ERC1: variants seen among roughly 807,000 people sequenced by gnomAD.
The protein encoded by ERC1 is ELKS/RAB6-interacting/CAST family member 1.
Under a neutral mutation model 132.0 loss-of-function variants are expected in ERC1, and 56 were observed. That is an observed-to-expected ratio of 0.42 (90% CI 0.34 to 0.53). The LOEUF is 0.53. Ranked by LOEUF, ERC1 falls within the 20% of genes least tolerant of loss-of-function variation. ERC1 has a pLI of 0.03. For missense variants in ERC1, 1,202 were observed against 1,349.9 expected, an observed-to-expected ratio of 0.89 and a Z score of 1.72; for synonymous variants, 478 against 476.1, an observed-to-expected ratio of 1.00 and a Z score of -0.05.
chr12:1,366,772 ATGT>A (rs2086700045), intron 15 of ERC1, among the ~76,000 whole-genome samples: 1 of 152,178 alleles, frequency 6.6e-6, no homozygotes, highest in African/African-American at 2.4e-5. Context: ...TAAAAACTAA[ATGT>A]TGTCAGCCTG....
chr12:1,226,200 G>A (rs1313737880), intron 12 of ERC1, among the ~76,000 whole-genome samples: 1 of 152,192 alleles, frequency 6.6e-6, no homozygotes, highest in Admixed American at 6.5e-5. Flanking sequence ...ACTTCTTAGT[G>A]TGCATTTTCA....
chr12:997,672 C>T (rs537882063), intron 1 of ERC1, among the ~76,000 whole-genome samples: 1 of 152,252 alleles, frequency 6.6e-6, no homozygotes, highest in African/African-American at 2.4e-5. Context: ...AGGTTGAAGA[C>T]TGTGCTGCTG....
chr12:1,315,847 A>G (rs1479384594), intron 15 of ERC1, among the ~76,000 whole-genome samples: 1 of 152,154 alleles, frequency 6.6e-6, no homozygotes, highest in Non-Finnish European at 1.5e-5. Flanking sequence ...AAAACTGATA[A>G]CAATAATATC....
chr12:1,328,734 C>G (rs1265863500), intron 15 of ERC1, among the ~76,000 whole-genome samples: 1 of 151,834 alleles, frequency 6.6e-6, no homozygotes. Flanking sequence ...TCATTTCTTT[C>G]TCTGCGTTTG....
intron 17 of ERC1, among the ~76,000 whole-genome samples, chr12:1,427,842 G>T (rs2092685229): frequency 6.6e-6 from 1 of 152,218 alleles, no homozygotes; most frequent in African/African-American, 2.4e-5. Context: ...ATAAATGGCA[G>T]TGAGGGTGAC....
rs933855151 is a variant in ERC1 at position 1,492,958 on chromosome 12, G to T, written c.*2728G>T. The T allele has an allele frequency of 1.1e-4, 24 of 227,128 alleles. No individual in the cohort carries two copies. The allele number at this position is 227,128 out of a possible 1,614,324, so 14.1% of individuals were successfully genotyped here. A position where few individuals can be genotyped will look rare whatever the true frequency, so the allele number is the denominator to read the frequency against. ...ATATAGCCTTGAAAACTCAGTGCAG[G>T]TTGCCCTTAATTTTCCCCAAACCCC... On this transcript the variant is annotated 3_prime_UTR_variant, in exon 19 of 19. Coordinates refer to ENST00000360905, the MANE Select transcript of ERC1 (RefSeq NM_178040.4).
rs118102514 is a variant in ERC1, at chr12:1,458,916, G to A, written c.3213+14166G>A. 6.0e-4 allele frequency among the ~76,000 whole-genome samples: 92 copies of A among 152,342 alleles called. 1 individual carries two copies. The East Asian group carries it at 0.017, about 27-fold the overall frequency. On this transcript the variant is annotated intron_variant, in intron 18 of 18. Transcript: ENST00000360905. ...GTCTAGATGCCTTTTCCCACCAGAA[G>A]GAACCAGAGCTCTTTGGGGAAATGA...
chr12:1,424,599 G>A (rs1018741017), intron 17 of ERC1, among the ~76,000 whole-genome samples: 1 of 152,120 alleles, frequency 6.6e-6, no homozygotes, highest in Admixed American at 6.6e-5. Context: ...TCTTAACCAG[G>A]AAGACAGGAG....
intron 18 of ERC1, among the ~76,000 whole-genome samples, chr12:1,445,450 C>T (rs2093279514): frequency 6.6e-6 from 1 of 151,944 alleles, no homozygotes; most frequent in Non-Finnish European, 1.5e-5. Context: ...AGGCTGGTCT[C>T]GAACTCCTGA....
chr12:1,431,707 C>G (rs1341294631), intron 17 of ERC1, among the ~76,000 whole-genome samples: 3 of 152,046 alleles, frequency 2.0e-5, no homozygotes, highest in Non-Finnish European at 4.4e-5. Flanking sequence ...ATTCTTGATA[C>G]AAGTACTTTT....
At chr12:1,313,655 G>A (rs534128016) in intron 15 of ERC1, among the ~76,000 whole-genome samples, 2 of 152,094 alleles carry the variant, frequency 1.3e-5, no homozygotes, top group South Asian at 2.1e-4. Flanking sequence ...ATCCTATGAC[G>A]TTTCAGTATT....
intron 12 of ERC1, among the ~76,000 whole-genome samples, chr12:1,226,359 A>G (rs954970742): frequency 3.3e-5 from 5 of 152,232 alleles, no homozygotes; most frequent in African/African-American, 4.8e-5. Flanking sequence ...ATACATTGTG[A>G]AGGATTAGCA....
intron 2 of ERC1, among the ~76,000 whole-genome samples, chr12:1,053,195 C>T (rs922506542): frequency 6.6e-6 from 1 of 152,048 alleles, no homozygotes; most frequent in Admixed American, 6.5e-5. Context: ...ACTTGTTTCC[C>T]CTATGCTTGA....
chr12:1,487,372 ATTTTTTTTTTT>A (rs574707385), intron 18 of ERC1, among the ~76,000 whole-genome samples: 16 of 57,922 alleles, frequency 2.8e-4, no homozygotes, highest in South Asian at 8.8e-4. Context: ...AAGCATCTAG[ATTTTTTTTTTT>A]TTTTTTTTTT....
At chr12:1,256,827 C>G (rs939295723) in intron 13 of ERC1, among the ~76,000 whole-genome samples, 1 of 150,728 alleles carries the variant, frequency 6.6e-6, no homozygotes, top group Non-Finnish European at 1.5e-5. Context: ...CTCATACCAA[C>G]AGCTGTGTTT....
intron 13 of ERC1, among the ~76,000 whole-genome samples, chr12:1,259,605 C>T (rs1375443935): frequency 6.8e-6 from 1 of 146,946 alleles, no homozygotes; most frequent in Non-Finnish European, 1.5e-5. Flanking sequence ...CTCACTGCAA[C>T]CTCCACCTCC....
Position 1,028,017 on chromosome 12 carries a change from G to T in ERC1, c.114G>T (p.Thr38=), listed in dbSNP as rs374326925. The T allele has an allele frequency of 6.2e-7, 1 of 1,614,168 alleles. No individual in the cohort carries two copies. Among genetic ancestry groups the T allele is most frequent in the East Asian group, 2.2e-5 (1 of 44,888 alleles). The part of the protein sequence containing the change: ...PRLGHRRTNS[T]GGSSGSSVGG... The stretch of plus-strand genomic sequence containing the variant: ...TGGGTCACCGTCGAACCAACAGTAC[G>T]GGAGGGAGTTCGGGAAGCAGTGTTG... Residue 38 remains threonine, a synonymous_variant, in exon 2 of 19, where the codon ACG becomes ACT. Coordinates refer to ENST00000360905, the MANE Select transcript of ERC1 (RefSeq NM_178040.4).
chr12:1,290,109 C>T, intron 15 of ERC1, 97 bp downstream of exon 15: 1 of 1,058,648 alleles, frequency 9.4e-7, no homozygotes, highest in Non-Finnish European at 1.4e-6. Flanking sequence ...CCCCAATACA[C>T]TTACTTAATT....
At chr12:1,416,997 G>A (rs775566019) in intron 17 of ERC1, among the ~76,000 whole-genome samples, 33 of 152,016 alleles carry the variant, frequency 2.2e-4, no homozygotes, top group Middle Eastern at 3.2e-3. Flanking sequence ...CATTTAATGG[G>A]AGTATTGAAT....
Sources: allele counts gnomAD v4.1 joint callset (sites outside exome capture counted in the v4.1 genomes callset), GRCh38; gene constraint gnomAD v4.1.1; transcripts MANE v1.5; gene names NCBI Gene and HGNC (gene_info 2026-07-23, HGNC 2026-07-21).